The following DCAF6 variants were observed in gnomAD, a reference collection of about 807,000 sequenced individuals.
The protein encoded by DCAF6 is DDB1 and CUL4 associated factor 6.
DCAF6 carries 54 observed loss-of-function variants against 125.1 expected under a neutral mutation model. The ratio of observed to expected loss-of-function variants is 0.43; its 90% CI spans 0.35 to 0.54. DCAF6 has a LOEUF of 0.54. Ranked by LOEUF, DCAF6 falls within the 20% of genes least tolerant of loss-of-function variation. The probability of loss-of-function intolerance (pLI) is 0.01; values close to 1 mark genes in which losing one functional copy is unlikely to be tolerated. For missense variants in DCAF6, 934 were observed against 1,161.7 expected (o/e 0.80, Z 2.85); for synonymous variants, 371 against 390.4 (o/e 0.95, Z 0.58).
intron 4 of DCAF6, among the ~76,000 whole-genome samples, chr1:167,983,844 G>A (rs565035926): frequency 6.6e-6 from 1 of 152,262 alleles, no homozygotes; most frequent in South Asian, 2.1e-4. Flanking sequence ...AGCACCCTTA[G>A]GATGGGGTTG....
intron 10 of DCAF6, among the ~76,000 whole-genome samples, chr1:168,010,808 CTTAAG>C (rs771683046): frequency 5.6e-5 from 8 of 143,580 alleles, no homozygotes; most frequent in Non-Finnish European, 1.0e-4. Flanking sequence ...TCAGTTATTT[CTTAAG>C]TTAAGCCTAG....
intron 10 of DCAF6, among the ~76,000 whole-genome samples, chr1:168,006,020 AT>A (rs2103093043): frequency 6.6e-6 from 1 of 152,272 alleles, no homozygotes; most frequent in South Asian, 2.1e-4. Flanking sequence ...AAAAGCAAGA[AT>A]TTTTAAAGTG....
chr1:167,943,242 A>G (rs1672530790), intron 1 of DCAF6, among the ~76,000 whole-genome samples: 1 of 152,132 alleles, frequency 6.6e-6, no homozygotes, highest in African/African-American at 2.4e-5. Context: ...ATTTATAGTT[A>G]TCCTGGCTAT....
the DCAF6 span, chr1:167,902,059 GAAAA>G: frequency 5.1e-6 from 7 of 1,363,468 alleles, no homozygotes; most frequent in Non-Finnish European, 6.1e-6. Context: ...ACACTTCTGA[GAAAA>G]AAAAAAAAAA....
At chr1:167,954,732 G>A (rs1329928939) in intron 2 of DCAF6, among the ~76,000 whole-genome samples, 1 of 152,154 alleles carries the variant, frequency 6.6e-6, no homozygotes, top group Non-Finnish European at 1.5e-5. Flanking sequence ...GATTACAGGC[G>A]TGAGCCACCG....
At chr1:167,987,263 A>G (rs549246947) in intron 4 of DCAF6, among the ~76,000 whole-genome samples, 1 of 152,328 alleles carries the variant, frequency 6.6e-6, no homozygotes, top group Non-Finnish European at 1.5e-5. Context: ...TCTGAAGTTA[A>G]GTTAATGCTA....
At chr1:168,027,763 C>G (rs753451377) in intron 12 of DCAF6, among the ~76,000 whole-genome samples, 3 of 151,980 alleles carry the variant, frequency 2.0e-5, no homozygotes, top group Non-Finnish European at 2.9e-5. Context: ...CTTTGAATAA[C>G]TGTATACACA....
the DCAF6 span, among the ~76,000 whole-genome samples, chr1:167,873,846 T>C: frequency 2.0e-5 from 3 of 152,190 alleles, no homozygotes; most frequent in Non-Finnish European, 4.4e-5. Flanking sequence ...GTAAATTTGA[T>C]TACATTAAAG....
At chr1:167,925,546 G>GTTTTT in the DCAF6 span, among the ~76,000 whole-genome samples, 2 of 101,832 alleles carry the variant, frequency 2.0e-5, no homozygotes, top group Non-Finnish European at 2.0e-5. Context: ...TTTTTTTTTG[G>GTTTTT]TTTTTTTTGT....
chr1:168,017,193 TACA>T (rs1177642726), intron 11 of DCAF6, among the ~76,000 whole-genome samples: 1 of 151,704 alleles, frequency 6.6e-6, no homozygotes, highest in Non-Finnish European at 1.5e-5. Flanking sequence ...TTGACCAGAT[TACA>T]ATAATGACAT....
the DCAF6 span, among the ~76,000 whole-genome samples, chr1:167,894,906 C>T: frequency 6.6e-6 from 1 of 152,072 alleles, no homozygotes; most frequent in Admixed American, 6.6e-5. Context: ...CACTGCAGGC[C>T]GAGCACGGTG....
intron 3 of DCAF6, among the ~76,000 whole-genome samples, chr1:167,970,216 T>C (rs960173651): frequency 3.3e-5 from 5 of 152,372 alleles, no homozygotes; most frequent in Non-Finnish European, 7.3e-5. Context: ...TTAAAAGACC[T>C]GTTTCTGTTT....
At chr1:167,918,144 G>A in the DCAF6 span, 1 of 511,828 alleles carries the variant, frequency 2.0e-6, no homozygotes, top group Non-Finnish European at 3.5e-6. Flanking sequence ...AGTTCCTTAA[G>A]TCATGTAGAG....
At chr1:168,019,883 G>A (rs1685469611) in intron 11 of DCAF6, 1 of 159,788 alleles carries the variant, frequency 6.3e-6, no homozygotes, top group East Asian at 1.8e-4. Context: ...CAGTCACATG[G>A]CAGCACTTCT....
intron 1 of DCAF6, among the ~76,000 whole-genome samples, chr1:167,940,318 G>A (rs1571563355): frequency 6.6e-6 from 1 of 152,310 alleles, no homozygotes; most frequent in East Asian, 1.9e-4. Context: ...GGATAGGCCA[G>A]GGATTTTAAT....
At chr1:168,017,226 G>GT (rs1553235384) in intron 11 of DCAF6, among the ~76,000 whole-genome samples, 161 of 136,386 alleles carry the variant, frequency 1.2e-3, no homozygotes, top group Admixed American at 2.6e-3. Flanking sequence ...AAACATTTTT[G>GT]TTTTTTTTTT....
At chr1:168,009,763 C>G (rs1436014748) in intron 10 of DCAF6, among the ~76,000 whole-genome samples, 2 of 151,230 alleles carry the variant, frequency 1.3e-5, no homozygotes, top group African/African-American at 4.9e-5. Context: ...AGTCCTCTTT[C>G]CTTTTTCTTC....
chr1:168,065,835 A>G, intron 19 of DCAF6, 89 bp downstream of exon 19: 7 of 1,253,362 alleles, frequency 5.6e-6, no homozygotes, highest in Non-Finnish European at 7.6e-6. Flanking sequence ...TGTTAATATT[A>G]TAAGAATAAT....
chr1:167,991,166 A>G (rs201922591), intron 5 of DCAF6, 38 bp from the exon 6 acceptor site: 4 of 1,551,526 alleles, frequency 2.6e-6, no homozygotes, highest in Non-Finnish European at 3.5e-6. Context: ...CCTCTGCTGT[A>G]TAACTATATG....
Sources: gnomAD v4.1 joint callset for allele counts (sites outside exome capture counted in the v4.1 genomes callset) on GRCh38, gnomAD v4.1.1 for gene constraint, MANE v1.5 for transcripts, NCBI Gene and HGNC (gene_info 2026-07-23, HGNC 2026-07-21) for gene names.